Variants in RBFOX1 observed in about 807,000 individuals in gnomAD.
The protein encoded by RBFOX1 is RNA binding fox-1 homolog 1, also known as RNA binding protein fox-1 homolog 1.
In RBFOX1, 8 loss-of-function variants were observed where a neutral mutation model predicts 57.7. The ratio of observed to expected loss-of-function variants is 0.14; its 90% CI spans 0.08 to 0.25. RBFOX1 has a LOEUF of 0.25. Ranked by LOEUF, RBFOX1 falls within the 10% of genes least tolerant of loss-of-function variation. RBFOX1 has a pLI of 1.00. For synonymous variants in RBFOX1, 326 were observed against 222.4 expected (o/e 1.47, Z -4.15); for missense variants, 611 against 548.5 (o/e 1.11, Z -1.14).
intron 4 of RBFOX1, among the ~76,000 whole-genome samples, chr16:7,347,763 CT>C (rs2097044586): frequency 6.6e-6 from 1 of 152,146 alleles, no homozygotes; most frequent in Non-Finnish European, 1.5e-5. Flanking sequence ...TATCAGTGAA[CT>C]ATGCCCGAGA....
chr16:6,203,548 G>A (rs951183212), intron 1 of RBFOX1, among the ~76,000 whole-genome samples: 1 of 152,140 alleles, frequency 6.6e-6, no homozygotes, highest in Non-Finnish European at 1.5e-5. Flanking sequence ...AATGAACATG[G>A]AAATGCATAT....
chr16:7,510,747 G>A (rs906042372), intron 4 of RBFOX1, among the ~76,000 whole-genome samples: 10 of 152,166 alleles, frequency 6.6e-5, no homozygotes, highest in Non-Finnish European at 1.5e-4. Context: ...AAAACAAACT[G>A]TCAGCAAGAC....
chr16:6,825,020 G>A (rs1167192874), intron 3 of RBFOX1, among the ~76,000 whole-genome samples: 2 of 51,340 alleles, frequency 3.9e-5, no homozygotes, highest in Non-Finnish European at 9.8e-5. Context: ...TTTTTGAGAC[G>A]GCGTCTGGCT....
intron 4 of RBFOX1, among the ~76,000 whole-genome samples, chr16:7,310,722 C>G (rs1202740141): frequency 6.6e-6 from 1 of 152,198 alleles, no homozygotes. Context: ...GTCACTGAAT[C>G]ACACCTGTGA....
intron 3 of RBFOX1, among the ~76,000 whole-genome samples, chr16:6,990,031 C>A (rs962149268): frequency 6.6e-6 from 1 of 152,084 alleles, no homozygotes; most frequent in Non-Finnish European, 1.5e-5. Context: ...TGTCTGCAAA[C>A]TACTTGAAAT....
In RBFOX1 at chr16:7,294,699, C is replaced by A. The variant is rs572845482; in HGVS notation, c.28-223448C>A. Among the ~76,000 whole-genome samples, 3 of 152,036 alleles carry A rather than the reference C, an allele frequency of 2.0e-5. 1 individual carries two copies. Among genetic ancestry groups the A allele is most frequent in the Admixed American group, 2.0e-4 (3 of 15,272 alleles). ...GCGATATATTCCTGGAAAAAGAAAG[C>A]TTGAAGATAAAATGGCATAGAGTAG... On this transcript the variant is annotated intron_variant, in intron 4 of 15. Transcript: ENST00000550418.
intron 4 of RBFOX1, among the ~76,000 whole-genome samples, chr16:7,150,701 ATTGT>A (rs1241360708): frequency 6.6e-6 from 1 of 152,238 alleles, no homozygotes; most frequent in Non-Finnish European, 1.5e-5. Flanking sequence ...TAAGTCAAAG[ATTGT>A]TTGGATATCA....
rs376046911 is a variant in RBFOX1 at position 6,887,129 on chromosome 16, A to T, written c.-15-164928A>T. On this transcript the variant is annotated intron_variant, in intron 3 of 15. Transcript: ENST00000550418. The stretch of plus-strand genomic sequence containing the variant: ...CTCACCAAACTCATGAAGTTCCTTT[A>T]CATTGTTATTGTTGACTCTGCTGTT... Among the ~76,000 whole-genome samples, 10 of 152,248 alleles carry T rather than the reference A, an allele frequency of 6.6e-5. 2 individuals are homozygous for T. The highest frequency in any genetic ancestry group is 1.9e-4 in the East Asian group (1 of 5,180).
chr16:7,242,391 TG>T (rs1202620128), intron 4 of RBFOX1, among the ~76,000 whole-genome samples: 2 of 152,154 alleles, frequency 1.3e-5, no homozygotes, highest in African/African-American at 4.8e-5. Context: ...TGTGTGAGCT[TG>T]GGCAAGAAAC....
chr16:6,838,352 A>G (rs905848481), intron 3 of RBFOX1, among the ~76,000 whole-genome samples: 1 of 152,182 alleles, frequency 6.6e-6, no homozygotes, highest in Non-Finnish European at 1.5e-5. Flanking sequence ...TGCAAAGACC[A>G]TTAACTCATT....
At chr16:6,239,332 A>G (rs2097527349) in intron 1 of RBFOX1, among the ~76,000 whole-genome samples, 1 of 152,032 alleles carries the variant, frequency 6.6e-6, no homozygotes, top group Non-Finnish European at 1.5e-5. Context: ...CCGTGTCCGA[A>G]GGGACCACAG....
At chr16:5,328,635 G>A (rs2064654359) in intron 1 of RBFOX1, among the ~76,000 whole-genome samples, 1 of 152,174 alleles carries the variant, frequency 6.6e-6, no homozygotes, top group Admixed American at 6.5e-5. Context: ...CTGTCTGCAC[G>A]TGGAAGATCT....
chr16:5,613,856 G>A (rs1171999237), intron 3 of RBFOX1, among the ~76,000 whole-genome samples: 3 of 151,732 alleles, frequency 2.0e-5, no homozygotes, highest in Non-Finnish European at 4.4e-5. Flanking sequence ...CTATGGATGA[G>A]CATAGAAGTC....
intron 2 of RBFOX1, among the ~76,000 whole-genome samples, chr16:6,391,662 G>A (rs1161583889): frequency 6.6e-6 from 1 of 152,190 alleles, no homozygotes; most frequent in Non-Finnish European, 1.5e-5. Context: ...CTTGATGGAA[G>A]GTGATAGTCA....
At chr16:6,783,926 G>A (rs2081467863) in intron 3 of RBFOX1, among the ~76,000 whole-genome samples, 1 of 152,084 alleles carries the variant, frequency 6.6e-6, no homozygotes, top group African/African-American at 2.4e-5. Flanking sequence ...TTCTAGCTTT[G>A]AAAGTCTTTT....
rs146782660 is a variant in RBFOX1, at chr16:6,133,814, A to G, written c.-127+113822A>G. On this transcript the variant is annotated intron_variant, in intron 1 of 15. Transcript: ENST00000550418. ...TTGCCTGTGCTGTGCTTCATGCCTC[A>G]TGTGCCCCAAGCAATAGTACACACA... 8.7e-4 allele frequency among the ~76,000 whole-genome samples: 133 copies of G among 152,178 alleles called. 1 individual carries two copies. In the East Asian group the frequency reaches 0.023, roughly 27 times the overall value.
At chr16:6,025,127 A>T (rs1596472194) in intron 1 of RBFOX1, among the ~76,000 whole-genome samples, 1 of 152,342 alleles carries the variant, frequency 6.6e-6, no homozygotes, top group East Asian at 1.9e-4. Context: ...CTTAAACATT[A>T]TGGGAAAATT....
intron 2 of RBFOX1, among the ~76,000 whole-genome samples, chr16:5,539,156 A>G (rs1346460235): frequency 6.6e-6 from 1 of 152,134 alleles, no homozygotes; most frequent in Non-Finnish European, 1.5e-5. Context: ...TGCATGGTTC[A>G]GGGAAAGTGC....
intron 1 of RBFOX1, among the ~76,000 whole-genome samples, chr16:5,306,463 G>A (rs1173976191): frequency 2.6e-5 from 4 of 151,938 alleles, no homozygotes; most frequent in Non-Finnish European, 4.4e-5. Flanking sequence ...GGGATTATAG[G>A]TGCATGCCAA....
Sources: gnomAD v4.1 joint callset for allele counts (sites outside exome capture counted in the v4.1 genomes callset) on GRCh38, gnomAD v4.1.1 for gene constraint, MANE v1.5 for transcripts, NCBI Gene and HGNC (gene_info 2026-07-23, HGNC 2026-07-21) for gene names.